Variants in MYRIP observed in about 807,000 individuals in gnomAD.
The protein encoded by MYRIP is myosin VIIA and Rab interacting protein.
MYRIP carries 49 observed loss-of-function variants against 98.0 expected under a neutral mutation model. The observed-to-expected ratio is 0.50, with a 90% CI of 0.40 to 0.63. The LOEUF (loss-of-function observed/expected upper bound fraction) is 0.63, where lower values mean the gene tolerates loss of function less well. Among genes scored for constraint, MYRIP ranks in the 30% least tolerant of loss-of-function variants. The pLI, the probability that MYRIP is intolerant of heterozygous loss-of-function variation, is 0.00. For missense variants in MYRIP, 1,004 were observed against 1,058.2 expected, an observed-to-expected ratio of 0.95 and a Z score of 0.71; for synonymous variants, 404 against 409.5, an observed-to-expected ratio of 0.99 and a Z score of 0.16.
chr3:40,171,386 C>G (rs1046076029), intron 8 of MYRIP, among the ~76,000 whole-genome samples: 1 of 152,198 alleles, frequency 6.6e-6, no homozygotes, highest in African/African-American at 2.4e-5. Flanking sequence ...AGCAAAAGCC[C>G]TTCAAATAGC....
intron 2 of MYRIP, among the ~76,000 whole-genome samples, chr3:40,009,574 A>C (rs1946711796): frequency 6.6e-6 from 1 of 152,110 alleles, no homozygotes; most frequent in Admixed American, 6.5e-5. Flanking sequence ...GAGGCTCAGG[A>C]CTTCCTGAGC....
chr3:40,231,245 T>C (rs1575661670), intron 11 of MYRIP, among the ~76,000 whole-genome samples: 1 of 152,328 alleles, frequency 6.6e-6, no homozygotes, highest in Middle Eastern at 3.4e-3. Context: ...TGCCTGGGCC[T>C]CCTCACTCTG....
chr3:40,121,889 C>T (rs1182092690), intron 3 of MYRIP, among the ~76,000 whole-genome samples: 1 of 152,094 alleles, frequency 6.6e-6, no homozygotes, highest in Admixed American at 6.6e-5. Flanking sequence ...AAAGGAAATA[C>T]ATGTCCCCAA....
chr3:40,032,221 T>C (rs1199141925), intron 2 of MYRIP, among the ~76,000 whole-genome samples: 1 of 152,162 alleles, frequency 6.6e-6, no homozygotes, highest in East Asian at 1.9e-4. Flanking sequence ...AGAGCATCTT[T>C]ATTTCTGTCT....
rs1953121327 is a variant in MYRIP at position 40,244,471 on chromosome 3, A to G, written c.2126A>G (p.Tyr709Cys). ...GTATACCTGGCAGCAGGCACTGTGT[A>G]TGGACTGGAGACCCAGCTGACTGAG... is the stretch of plus-strand genomic sequence containing the variant. ...ENVYLAAGTV[Y>C]GLETQLTELE... is the part of the protein sequence containing the mutation. Residue 709 changes from tyrosine (Y) to cysteine (C), a missense_variant, in exon 13 of 17, where the codon TAT becomes TGT. This residue lies in a region of MYRIP where 880 missense variants were observed against 907.7 expected (regional missense o/e 0.97). Transcript: ENST00000302541. The G allele has an allele frequency of 6.2e-7, 1 of 1,613,838 alleles. No individual in the cohort carries two copies.
intron 2 of MYRIP, among the ~76,000 whole-genome samples, chr3:39,959,215 C>T (rs956808346): frequency 9.9e-5 from 15 of 152,200 alleles, no homozygotes; most frequent in African/African-American, 3.4e-4. Flanking sequence ...TATAAAGACA[C>T]ATGCACACGT....
intron 1 of MYRIP, among the ~76,000 whole-genome samples, chr3:39,885,989 T>C (rs1190850217): frequency 1.3e-5 from 2 of 152,136 alleles, no homozygotes; most frequent in Admixed American, 6.6e-5. Flanking sequence ...AGCCTTCTTC[T>C]CTCAGCTCAT....
chr3:39,969,205 T>C (rs181464306), intron 2 of MYRIP, among the ~76,000 whole-genome samples: 157 of 152,338 alleles, frequency 1.0e-3, no homozygotes, highest in African/African-American at 3.7e-3. Flanking sequence ...AAGTTGTTTA[T>C]TGGCTGGAGG....
intron 1 of MYRIP, among the ~76,000 whole-genome samples, chr3:39,895,555 G>A (rs111719117): frequency 0.014 from 2,088 of 151,598 alleles, 19 homozygotes; most frequent in Non-Finnish European, 0.022. Context: ...CTTTTTTTGC[G>A]GTAAACATTT....
At chr3:39,825,076 A>G (rs1483329592) in intron 1 of MYRIP, among the ~76,000 whole-genome samples, 1 of 152,112 alleles carries the variant, frequency 6.6e-6, no homozygotes, top group African/African-American at 2.4e-5. Flanking sequence ...GAATTTGTTT[A>G]TCAGTTCTAA....
In MYRIP at chr3:40,190,371, A is replaced by T. The variant is rs1466900042; in HGVS notation, c.1573A>T (p.Arg525Trp). Residue 525 changes from arginine (R) to tryptophan (W), a missense_variant, in exon 10 of 17, where the codon AGG becomes TGG. Physicochemically the swap from Arg to Trp is moderately radical, Grantham distance 101 (BLOSUM62 -3). This residue lies in a region of MYRIP where 880 missense variants were observed against 907.7 expected (regional missense o/e 0.97). Transcript: ENST00000302541. ...CCCCCACACCACAGACCGGCGGGCC[A>T]GGAGGTGGAGAAGAGCCCGACTGGG... ...EAPHTTDRRA[R>W]RWRRARLGSE... 1 of 1,613,762 alleles carries T rather than the reference A, an allele frequency of 6.2e-7. No individual in the cohort carries two copies. Among genetic ancestry groups the T allele is most frequent in the Non-Finnish European group, 8.5e-7 (1 of 1,179,926 alleles).
At chr3:40,091,965 G>A (rs1379584991) in intron 3 of MYRIP, among the ~76,000 whole-genome samples, 1 of 152,200 alleles carries the variant, frequency 6.6e-6, no homozygotes, top group Non-Finnish European at 1.5e-5. Flanking sequence ...TGCATGGAAA[G>A]AGATGATATT....
chr3:39,860,732 C>T (rs1559499630), intron 1 of MYRIP, among the ~76,000 whole-genome samples: 1 of 152,200 alleles, frequency 6.6e-6, no homozygotes, highest in Non-Finnish European at 1.5e-5. Flanking sequence ...CAGCCTCCTC[C>T]ATGCTGCATT....
intron 3 of MYRIP, among the ~76,000 whole-genome samples, chr3:40,128,432 C>T (rs867328444): frequency 1.3e-5 from 2 of 152,200 alleles, no homozygotes; most frequent in African/African-American, 4.8e-5. Context: ...CACTTCCAAA[C>T]AGCATGTAGT....
At chr3:40,120,164 A>T (rs1173598974) in intron 3 of MYRIP, among the ~76,000 whole-genome samples, 1 of 152,184 alleles carries the variant, frequency 6.6e-6, no homozygotes, top group African/African-American at 2.4e-5. Context: ...TCTTGTGAAC[A>T]AATGGTGAAG....
At chr3:40,023,098 A>C (rs946528811) in intron 2 of MYRIP, among the ~76,000 whole-genome samples, 1 of 152,150 alleles carries the variant, frequency 6.6e-6, no homozygotes, top group African/African-American at 2.4e-5. Context: ...CTAAGGAAAA[A>C]ACTCTTGGAA....
chr3:40,044,578 G>A (rs756315930), intron 3 of MYRIP, among the ~76,000 whole-genome samples: 10 of 152,098 alleles, frequency 6.6e-5, no homozygotes, highest in Non-Finnish European at 8.8e-5. Flanking sequence ...CCTTTCGTTC[G>A]TTCATTGCAT....
At chr3:40,162,884 A>G (rs1167539190) in intron 5 of MYRIP, 74 bp downstream of exon 5, 7 of 1,367,958 alleles carry the variant, frequency 5.1e-6, no homozygotes, top group South Asian at 2.4e-5. Flanking sequence ...AGGTACTGCC[A>G]GGGTCCCCCA....
chr3:39,989,564 C>A (rs1946118203), intron 2 of MYRIP, among the ~76,000 whole-genome samples: 1 of 152,246 alleles, frequency 6.6e-6, no homozygotes, highest in African/African-American at 2.4e-5. Flanking sequence ...GCGTGCTTCA[C>A]TGGGGGGAAA....
Sources: gnomAD v4.1 joint callset for allele counts (sites outside exome capture counted in the v4.1 genomes callset) on GRCh38, gnomAD v4.1.1 for gene constraint, gnomAD v4.1.1 regional missense constraint, MANE v1.5 for transcripts, NCBI Gene and HGNC (gene_info 2026-07-23, HGNC 2026-07-21) for gene names.